ANO10: variants seen among roughly 807,000 people sequenced by gnomAD.
ANO10 encodes anoctamin 10.
ANO10 carries 77 observed loss-of-function variants against 74.7 expected under a neutral mutation model. The ratio of observed to expected loss-of-function variants is 1.03; its 90% CI spans 0.86 to 1.25. ANO10 has a LOEUF of 1.25. Among genes scored for constraint, ANO10 ranks in the 50% most tolerant of loss-of-function variants. ANO10 has a pLI of 0.00. For missense variants in ANO10, 721 were observed against 778.1 expected (o/e 0.93, Z 0.87); for synonymous variants, 279 against 284.9 (o/e 0.98, Z 0.21).
At chr3:43,549,023 G>C (rs953452066) in intron 11 of ANO10, among the ~76,000 whole-genome samples, 1 of 152,078 alleles carries the variant, frequency 6.6e-6, no homozygotes, top group Non-Finnish European at 1.5e-5. Context: ...GTGTTTTTAG[G>C]ATTTGCTTAA....
chr3:43,409,265 T>A (rs1375667591), intron 12 of ANO10, among the ~76,000 whole-genome samples: 1 of 151,986 alleles, frequency 6.6e-6, no homozygotes, highest in Non-Finnish European at 1.5e-5. Context: ...TAAAAGGAAG[T>A]GTCTGGGCAC....
intron 1 of ANO10, among the ~76,000 whole-genome samples, chr3:43,685,056 A>G (rs1283971597): frequency 6.6e-6 from 1 of 152,246 alleles, no homozygotes; most frequent in African/African-American, 2.4e-5. Flanking sequence ...CGTTGTGCAC[A>G]TGTACCCTAA....
At chr3:43,647,925 T>C (rs978761791) in intron 1 of ANO10, among the ~76,000 whole-genome samples, 13 of 152,206 alleles carry the variant, frequency 8.5e-5, no homozygotes, top group African/African-American at 3.1e-4. Context: ...AGCATAGCTG[T>C]GGCCTCAACT....
chr3:43,436,777 T>C (rs2093074290), intron 11 of ANO10, among the ~76,000 whole-genome samples: 1 of 152,220 alleles, frequency 6.6e-6, no homozygotes, highest in Non-Finnish European at 1.5e-5. Context: ...CAGAACCATT[T>C]TATTTTGCAA....
chr3:43,442,986 A>G (rs1367843283), intron 11 of ANO10, among the ~76,000 whole-genome samples: 1 of 152,222 alleles, frequency 6.6e-6, no homozygotes, highest in Non-Finnish European at 1.5e-5. Flanking sequence ...TAACATAATG[A>G]CTAGGACTCT....
chr3:43,653,836 T>C (rs2083815612), intron 1 of ANO10, among the ~76,000 whole-genome samples: 1 of 152,006 alleles, frequency 6.6e-6, no homozygotes, highest in South Asian at 2.1e-4. Context: ...CTCTATCCCT[T>C]CGGACAGAAG....
intron 1 of ANO10, among the ~76,000 whole-genome samples, chr3:43,655,260 G>T: frequency 6.6e-6 from 1 of 152,138 alleles, no homozygotes; most frequent in African/African-American, 2.4e-5. Context: ...CGCGGTGAGT[G>T]TTACAGCTCT....
intron 12 of ANO10, among the ~76,000 whole-genome samples, chr3:43,399,024 C>T (rs552373988): frequency 5.3e-5 from 8 of 152,264 alleles, no homozygotes; most frequent in African/African-American, 1.7e-4. Context: ...GATGGGGTTT[C>T]GCCATGTTGC....
intron 1 of ANO10, among the ~76,000 whole-genome samples, chr3:43,647,226 G>T (rs954722619): frequency 6.7e-6 from 1 of 149,362 alleles, no homozygotes; most frequent in Admixed American, 6.7e-5. Flanking sequence ...ATAGATAAGA[G>T]ATTTATTATG....
At chr3:43,504,300 G>GTAGGTAGGTAGA (rs71083075) in intron 11 of ANO10, among the ~76,000 whole-genome samples, 2,166 of 139,776 alleles carry the variant, frequency 0.015, 23 homozygotes, top group East Asian at 0.036. Flanking sequence ...AGGTAGGTAG[G>GTAGGTAGGTAGA]TAGATAGATA....
At chr3:43,419,589 C>T (rs1329117824) in intron 12 of ANO10, among the ~76,000 whole-genome samples, 1 of 149,442 alleles carries the variant, frequency 6.7e-6, no homozygotes, top group African/African-American at 2.5e-5. Flanking sequence ...GATCTTGGCT[C>T]AATGCAACCT....
chr3:43,611,065 C>G (rs2149512637), intron 1 of ANO10, among the ~76,000 whole-genome samples: 1 of 152,284 alleles, frequency 6.6e-6, no homozygotes, highest in Non-Finnish European at 1.5e-5. Context: ...CTCTCCCTTT[C>G]TTTGTCTAAG....
chr3:43,366,849 G>C lies in ANO10; in HGVS notation c.*57C>G. On this transcript the variant is annotated 3_prime_UTR_variant, in exon 13 of 13. Coordinates refer to ENST00000292246, the MANE Select transcript of ANO10 (RefSeq NM_018075.5). ...CCCGGGTACCCCCCCTGCCACCGTG[G>C]CAGGTGTGGCACAGACACAGGCCTC... 6.6e-7 allele frequency: 1 copy of C among 1,515,874 alleles called. No individual in the cohort carries two copies. The highest frequency in any genetic ancestry group is 1.2e-5 in the South Asian group (1 of 83,566). The allele number at this position is 1,515,874 out of a possible 1,614,324, so 93.9% of individuals were successfully genotyped here. A position where few individuals can be genotyped will look rare whatever the true frequency, so the allele number is the denominator to read the frequency against.
chr3:43,573,464 G>T (rs1188959645), intron 7 of ANO10, among the ~76,000 whole-genome samples: 1 of 152,102 alleles, frequency 6.6e-6, no homozygotes, highest in East Asian at 1.9e-4. Flanking sequence ...AAACTTCTTA[G>T]AATGATTTCT....
At chr3:43,651,589 G>C (rs918920989) in intron 1 of ANO10, among the ~76,000 whole-genome samples, 2 of 152,186 alleles carry the variant, frequency 1.3e-5, no homozygotes, top group African/African-American at 4.8e-5. Flanking sequence ...ATGTGGAAAA[G>C]ATGATGAATT....
At chr3:43,561,070 C>A (rs760705015) in intron 9 of ANO10, 150 bp downstream of exon 9, 19 of 922,896 alleles carry the variant, frequency 2.1e-5, no homozygotes, top group Non-Finnish European at 2.8e-5. Context: ...ATCCCTTTCA[C>A]TTTAAAGTGG....
chr3:43,568,718 C>T (rs1425666031), intron 7 of ANO10, among the ~76,000 whole-genome samples: 1 of 144,636 alleles, frequency 6.9e-6, no homozygotes, highest in East Asian at 2.0e-4. Context: ...CACTAAATGC[C>T]CACAAGAGAA....
At chr3:43,393,457 A>G (rs1192513611) in intron 12 of ANO10, among the ~76,000 whole-genome samples, 4 of 152,182 alleles carry the variant, frequency 2.6e-5, no homozygotes, top group Admixed American at 2.6e-4. Flanking sequence ...CTCTGGCCAC[A>G]TCCCCAATCT....
intron 1 of ANO10, among the ~76,000 whole-genome samples, chr3:43,688,738 G>A (rs1051878714): frequency 6.6e-5 from 10 of 152,012 alleles, no homozygotes; most frequent in Non-Finnish European, 1.3e-4. Context: ...CAGCTACTCA[G>A]GAGGCTGAGG....
Sources: gnomAD v4.1 joint callset for allele counts (sites outside exome capture counted in the v4.1 genomes callset) on GRCh38, gnomAD v4.1.1 for gene constraint, MANE v1.5 for transcripts, NCBI Gene and HGNC (gene_info 2026-07-23, HGNC 2026-07-21) for gene names.